KCNN2: variants seen among roughly 807,000 people sequenced by gnomAD.
The protein encoded by KCNN2 is small conductance calcium-activated potassium channel protein 2.
A neutral mutation model predicts 55.5 loss-of-function variants in KCNN2; 24 were observed. The observed-to-expected ratio is 0.43, with a 90% CI of 0.31 to 0.61. KCNN2 has a LOEUF of 0.61. Ranked by LOEUF, KCNN2 falls within the 20% of genes least tolerant of loss-of-function variation. The probability of loss-of-function intolerance (pLI) is 0.08; values close to 1 mark genes in which losing one functional copy is unlikely to be tolerated. For missense variants in KCNN2, 754 were observed against 853.6 expected, an observed-to-expected ratio of 0.88 and a Z score of 1.45; for synonymous variants, 431 against 336.1, an observed-to-expected ratio of 1.28 and a Z score of -3.09.
At chr5:114,318,000 A>C (rs970497872) in intron 2 of KCNN2, among the ~76,000 whole-genome samples, 2 of 152,186 alleles carry the variant, frequency 1.3e-5, no homozygotes, top group African/African-American at 2.4e-5. Context: ...TCAACAGTAC[A>C]CGTGGATGTT....
intron 2 of KCNN2, among the ~76,000 whole-genome samples, chr5:114,252,731 C>T (rs1015157947): frequency 4.6e-5 from 7 of 151,642 alleles, no homozygotes; most frequent in African/African-American, 1.5e-4. Context: ...AGGACAAGCT[C>T]ATTCTGAGAA....
At chr5:114,271,186 G>A (rs533095515) in intron 2 of KCNN2, among the ~76,000 whole-genome samples, 7 of 152,174 alleles carry the variant, frequency 4.6e-5, no homozygotes, top group Non-Finnish European at 8.8e-5. Flanking sequence ...GTGCTGATTC[G>A]TGCGTTTACA....
chr5:114,470,689 C>G (rs1761688269), intron 4 of KCNN2, among the ~76,000 whole-genome samples: 1 of 152,216 alleles, frequency 6.6e-6, no homozygotes, highest in South Asian at 2.1e-4. Context: ...ACATCACACC[C>G]TCTGCCTTTA....
chr5:114,160,860 G>T (rs10071524), intron 1 of KCNN2, among the ~76,000 whole-genome samples: 54,245 of 151,592 alleles, frequency 0.36, 10,171 homozygotes, highest in East Asian at 0.71. Context: ...TTGCTTGGTG[G>T]ATCTTCCTCC....
intron 1 of KCNN2, among the ~76,000 whole-genome samples, chr5:114,185,518 C>G (rs1313421645): frequency 6.6e-6 from 1 of 152,152 alleles, no homozygotes; most frequent in Non-Finnish European, 1.5e-5. Context: ...ATTCAAATGG[C>G]TGGCAGGAAG....
chr5:114,169,614 A>C (rs1463713338), intron 1 of KCNN2, among the ~76,000 whole-genome samples: 2 of 152,090 alleles, frequency 1.3e-5, no homozygotes, highest in African/African-American at 4.8e-5. Flanking sequence ...TCCATCTTTT[A>C]ATGTACTGTA....
chr5:114,093,218 T>A lies in KCNN2; in HGVS notation c.-271+36718T>A, dbSNP rs888222129. Among the ~76,000 whole-genome samples, 17 of 152,190 alleles carry A rather than the reference T, an allele frequency of 1.1e-4. No homozygotes were observed. In the East Asian group the frequency reaches 3.3e-3, roughly 29 times the overall value. On this transcript the variant is annotated intron_variant, in intron 1 of 10. Coordinates refer to the KCNN2 transcript ENST00000512097. ...GGGCAGAGGCAAACTGCCACCAGTC[T>A]CTTTACTAAAGCATAGCAAGAGTGA...
At chr5:114,482,983 G>C (rs1048016455) in intron 5 of KCNN2, among the ~76,000 whole-genome samples, 7 of 151,600 alleles carry the variant, frequency 4.6e-5, no homozygotes, top group African/African-American at 1.7e-4. Context: ...ACCATGGCAT[G>C]TGTTTACCTA....
chr5:114,486,529 T>C (rs1265514349), intron 5 of KCNN2: 2 of 289,202 alleles, frequency 6.9e-6, no homozygotes, highest in Non-Finnish European at 1.3e-5. Context: ...TAAAGTATAC[T>C]AACAAGCATA....
chr5:114,429,702 T>C (rs928813094), intron 3 of KCNN2, among the ~76,000 whole-genome samples: 1 of 151,988 alleles, frequency 6.6e-6, no homozygotes, highest in Non-Finnish European at 1.5e-5. Context: ...GATTTTCTCC[T>C]AATATATTTT....
intron 2 of KCNN2, among the ~76,000 whole-genome samples, chr5:114,402,716 G>A (rs1385447762): frequency 1.3e-5 from 2 of 152,202 alleles, no homozygotes; most frequent in African/African-American, 4.8e-5. Context: ...GTGGATGTGG[G>A]AATGATCACA....
At chr5:114,203,802 G>A (rs1753720093) in intron 1 of KCNN2, among the ~76,000 whole-genome samples, 1 of 152,154 alleles carries the variant, frequency 6.6e-6, no homozygotes, top group Non-Finnish European at 1.5e-5. Context: ...GCTTCCTTCT[G>A]TACCTCACCA....
intron 2 of KCNN2, among the ~76,000 whole-genome samples, chr5:114,269,693 G>GT (rs1396384900): frequency 6.6e-6 from 1 of 152,118 alleles, no homozygotes; most frequent in Non-Finnish European, 1.5e-5. Context: ...CCGGTTGACT[G>GT]TAAGAATGTC....
intron 1 of KCNN2, among the ~76,000 whole-genome samples, chr5:114,060,363 A>T (rs188590480): frequency 2.6e-5 from 4 of 152,114 alleles, no homozygotes; most frequent in Non-Finnish European, 4.4e-5. Context: ...TCTTTCCTCA[A>T]ATGGATCCCT....
chr5:114,295,147 C>G (rs970371324), intron 2 of KCNN2, among the ~76,000 whole-genome samples: 1 of 152,150 alleles, frequency 6.6e-6, no homozygotes, highest in Non-Finnish European at 1.5e-5. Flanking sequence ...CTGCTCAGGG[C>G]TCAGAGACCC....
At chr5:114,101,004 C>T (rs1277664051) in intron 1 of KCNN2, among the ~76,000 whole-genome samples, 1 of 151,448 alleles carries the variant, frequency 6.6e-6, no homozygotes, top group Non-Finnish European at 1.5e-5. Flanking sequence ...ATATACAGAC[C>T]TATGGATATA....
At chr5:114,315,979 C>A (rs1352196803) in intron 2 of KCNN2, among the ~76,000 whole-genome samples, 2 of 151,882 alleles carry the variant, frequency 1.3e-5, no homozygotes, top group Non-Finnish European at 2.9e-5. Context: ...GCAAAAAAAA[C>A]CATTTGGTCT....
At chr5:114,449,806 T>C (rs1433157564) in intron 3 of KCNN2, among the ~76,000 whole-genome samples, 1 of 151,082 alleles carries the variant, frequency 6.6e-6, no homozygotes, top group Admixed American at 6.6e-5. Flanking sequence ...CTCAGAGGGG[T>C]GAAATGTACA....
At chr5:114,111,790 G>A (rs1436259148) in intron 1 of KCNN2, among the ~76,000 whole-genome samples, 2 of 152,164 alleles carry the variant, frequency 1.3e-5, no homozygotes, top group African/African-American at 4.8e-5. Context: ...ACCATCTCAT[G>A]CCAGTTAGAA....
Sources: gnomAD v4.1 joint callset for allele counts (sites outside exome capture counted in the v4.1 genomes callset) on GRCh38, gnomAD v4.1.1 for gene constraint, MANE v1.5 for transcripts, NCBI Gene and HGNC (gene_info 2026-07-23, HGNC 2026-07-21) for gene names.